Variants in ARL15 observed in about 807,000 individuals in gnomAD.
ARL15 encodes ADP-ribosylation factor-like protein 15.
A neutral mutation model predicts 25.2 loss-of-function variants in ARL15; 19 were observed. That is an observed-to-expected ratio of 0.75 (90% CI 0.53 to 1.10). The LOEUF is 1.10. ARL15 is among the 50% of genes least tolerant of loss of function. The pLI, the probability that ARL15 is intolerant of heterozygous loss-of-function variation, is 0.00. For synonymous variants in ARL15, 94 were observed against 86.8 expected, an observed-to-expected ratio of 1.08 and a Z score of -0.46; for missense variants, 220 against 246.0, an observed-to-expected ratio of 0.89 and a Z score of 0.71.
intron 2 of ARL15, among the ~76,000 whole-genome samples, chr5:54,167,793 A>G (rs1754615938): frequency 6.6e-6 from 1 of 152,130 alleles, no homozygotes; most frequent in Non-Finnish European, 1.5e-5. Flanking sequence ...CCAAAGAGTT[A>G]AGGAGTGAAA....
chr5:54,205,201 C>A (rs866489233), intron 1 of ARL15, among the ~76,000 whole-genome samples: 2 of 152,100 alleles, frequency 1.3e-5, no homozygotes, highest in African/African-American at 4.8e-5. Flanking sequence ...ACTTTCCAAG[C>A]ACTTTGGGAG....
chr5:53,897,514 T>G (rs12522601), intron 4 of ARL15, among the ~76,000 whole-genome samples: 1 of 152,082 alleles, frequency 6.6e-6, no homozygotes, highest in African/African-American at 2.4e-5. Context: ...TTTTTGGCTA[T>G]TATAAATAAT....
intron 1 of ARL15, among the ~76,000 whole-genome samples, chr5:54,200,491 T>C (rs1236900149): frequency 6.6e-6 from 1 of 151,460 alleles, no homozygotes; most frequent in African/African-American, 2.4e-5. Context: ...GAAAAACTTA[T>C]GCCATGACTG....
At chr5:53,964,443 T>C (rs1747479783) in intron 4 of ARL15, among the ~76,000 whole-genome samples, 1 of 152,132 alleles carries the variant, frequency 6.6e-6, no homozygotes, top group African/African-American at 2.4e-5. Flanking sequence ...CACTGCATGC[T>C]CCGCCTCCCG....
chr5:53,894,882 G>T (rs1399051912), intron 4 of ARL15, among the ~76,000 whole-genome samples: 1 of 152,086 alleles, frequency 6.6e-6, no homozygotes, highest in African/African-American at 2.4e-5. Context: ...TTATATAGAA[G>T]GGGTCTTAGT....
At chr5:54,287,480 A>G (rs1758212185) in intron 1 of ARL15, among the ~76,000 whole-genome samples, 1 of 151,070 alleles carries the variant, frequency 6.6e-6, no homozygotes, top group African/African-American at 2.4e-5. Flanking sequence ...AAAGGAGCAC[A>G]GAAGAAAACG....
chr5:53,954,547 G>A (rs779542441), intron 4 of ARL15, among the ~76,000 whole-genome samples: 1 of 152,092 alleles, frequency 6.6e-6, no homozygotes, highest in African/African-American at 2.4e-5. Flanking sequence ...GTCTGCCACA[G>A]AACAGTTTCC....
intron 1 of ARL15, among the ~76,000 whole-genome samples, chr5:54,186,155 T>A (rs768414528): frequency 6.6e-6 from 1 of 152,170 alleles, no homozygotes; most frequent in Admixed American, 6.6e-5. Context: ...GACAAAAGCA[T>A]AACAGAGCAG....
intron 1 of ARL15, among the ~76,000 whole-genome samples, chr5:54,222,620 T>C (rs1235896672): frequency 2.6e-5 from 4 of 152,278 alleles, no homozygotes; most frequent in South Asian, 4.1e-4. Context: ...AGGTAGGGAA[T>C]GGGGTGAGGG....
At chr5:53,893,179 A>AT (rs148237301) in intron 4 of ARL15, among the ~76,000 whole-genome samples, 1,833 of 152,234 alleles carry the variant, frequency 0.012, 18 homozygotes, top group Middle Eastern at 0.051. Flanking sequence ...GCAATAGCTG[A>AT]TTGTGTGCAT....
chr5:54,115,518 C>A (rs1752873830), intron 3 of ARL15, among the ~76,000 whole-genome samples: 2 of 152,090 alleles, frequency 1.3e-5, no homozygotes, highest in African/African-American at 4.8e-5. Context: ...CACTTCCTAT[C>A]CTCCAGGTAC....
intron 4 of ARL15, among the ~76,000 whole-genome samples, chr5:54,039,132 C>T (rs564931452): frequency 1.8e-4 from 28 of 152,216 alleles, no homozygotes; most frequent in Middle Eastern, 3.4e-3. Flanking sequence ...ATATATCTAC[C>T]TACTCACCTA....
At chr5:54,110,273 C>T (rs1752702640) in intron 4 of ARL15, among the ~76,000 whole-genome samples, 2 of 152,074 alleles carry the variant, frequency 1.3e-5, no homozygotes, top group African/African-American at 2.4e-5. Flanking sequence ...GATAATTTGA[C>T]TTTCTCTTTT....
rs150635844 is a variant in ARL15 at position 54,136,569 on chromosome 5, AG to A, written c.253+18010del. Among the ~76,000 whole-genome samples, 586 of 152,264 alleles carry A rather than the reference AG, an allele frequency of 3.8e-3. 2 individuals carry two copies. The highest frequency in any genetic ancestry group is 0.013 in the African/African-American group (554 of 41,554). On this transcript the variant is annotated intron_variant, in intron 3 of 4. Transcript: ENST00000504924. ...CAAACTGATCTTTTAACAGATTGTG[AG>A]GGAAAAAAAAACATACATTAAAAGA...
chr5:54,296,093 A>G (rs1314604642), intron 1 of ARL15, among the ~76,000 whole-genome samples: 1 of 152,112 alleles, frequency 6.6e-6, no homozygotes, highest in Non-Finnish European at 1.5e-5. Context: ...AGGACCTTTC[A>G]CCCTGTGAAT....
chr5:53,972,914 G>T lies in ARL15; in HGVS notation c.463-86201C>A, dbSNP rs140760612. ...TGATTTCAAGTTTAATACTAGCAGA[G>T]TTTCCTTATTTTCATGTTTGCAATG... On this transcript the variant is annotated intron_variant, in intron 4 of 4. Transcript: ENST00000504924. Among the ~76,000 whole-genome samples, 665 of 152,240 alleles carry T rather than the reference G, an allele frequency of 4.4e-3. 15 individuals are homozygous for T. The highest frequency in any genetic ancestry group is 0.038 in the Admixed American group (578 of 15,286).
intron 3 of ARL15, among the ~76,000 whole-genome samples, chr5:54,142,311 TGG>T (rs1448552358): frequency 2.0e-5 from 3 of 152,054 alleles, no homozygotes; most frequent in Non-Finnish European, 4.4e-5. Flanking sequence ...AAGAGTGGCA[TGG>T]GGGAATTTGG....
At chr5:54,167,245 A>C (rs1754600784) in intron 2 of ARL15, among the ~76,000 whole-genome samples, 1 of 152,094 alleles carries the variant, frequency 6.6e-6, no homozygotes, top group African/African-American at 2.4e-5. Context: ...GGAGACTCTG[A>C]AAATCTTTAG....
At chr5:54,264,765 CA>C (rs1253764942) in intron 1 of ARL15, among the ~76,000 whole-genome samples, 1 of 152,118 alleles carries the variant, frequency 6.6e-6, no homozygotes, top group Non-Finnish European at 1.5e-5. Flanking sequence ...AGACTTTTCT[CA>C]AATCTCACCT....
Sources: allele counts gnomAD v4.1 joint callset (sites outside exome capture counted in the v4.1 genomes callset), GRCh38; gene constraint gnomAD v4.1.1; transcripts MANE v1.5; gene names NCBI Gene and HGNC (gene_info 2026-07-23, HGNC 2026-07-21).